PSME4: variants seen among roughly 807,000 people sequenced by gnomAD.
The protein encoded by PSME4 is proteasome activator subunit 4.
In PSME4, 89 loss-of-function variants were observed where a neutral mutation model predicts 253.9. The observed-to-expected ratio is 0.35, with a 90% CI of 0.30 to 0.42. The LOEUF (loss-of-function observed/expected upper bound fraction) is 0.42. Ranked by LOEUF, PSME4 falls within the 10% of genes least tolerant of loss-of-function variation. The probability of loss-of-function intolerance (pLI) is 1.00; values close to 1 mark genes in which losing one functional copy is unlikely to be tolerated. For synonymous variants in PSME4, 851 were observed against 759.2 expected (o/e 1.12, Z -1.99); for missense variants, 2,014 against 2,195.2 (o/e 0.92, Z 1.65).
At chr2:53,938,007 AT>A (rs1245064819) in intron 4 of PSME4, among the ~76,000 whole-genome samples, 1 of 152,020 alleles carries the variant, frequency 6.6e-6, no homozygotes, top group Non-Finnish European at 1.5e-5. Context: ...AAAAAAAAAA[AT>A]TCCCCATCAT....
intron 41 of PSME4, among the ~76,000 whole-genome samples, chr2:53,879,801 C>CAAAAAAAAAAAA (rs55730803): frequency 1.1e-5 from 1 of 89,940 alleles, no homozygotes; most frequent in African/African-American, 4.5e-5. Flanking sequence ...GACCCTGTCT[C>CAAAAAAAAAAAA]AAAAAAAAAA....
chr2:53,874,348 T>G lies in PSME4; in HGVS notation c.5091A>C (p.Glu1697Asp), dbSNP rs745325341. ...ATAACTTAAATTTTACCTCCAGTTG[T>G]TCGTCCTCCAAAAGACTTATAACCA... Reference protein sequence around the residue: ...RWLVISLLEDEQLEVREMAAT... With the variant: ...RWLVISLLEDDQLEVREMAAT... Residue 1697 changes from glutamate (E) to aspartate (D), a missense_variant, in exon 43 of 47, where the codon GAA becomes GAC. By Grantham distance (45) the Glu-to-Asp change is conservative (BLOSUM62 2). Coordinates refer to ENST00000404125, the MANE Select transcript of PSME4 (RefSeq NM_014614.3). 6.2e-7 allele frequency: 1 copy of G among 1,609,804 alleles called. No homozygotes were observed. The highest frequency in any genetic ancestry group is 1.3e-5 in the African/African-American group (1 of 74,630).
intron 18 of PSME4, among the ~76,000 whole-genome samples, chr2:53,920,659 C>T (rs532231322): frequency 6.6e-6 from 1 of 152,162 alleles, no homozygotes; most frequent in East Asian, 1.9e-4. Flanking sequence ...GAACTATAGA[C>T]ATTAGATAAG....
intron 20 of PSME4, chr2:53,917,113 T>G (rs1363591312): frequency 2.0e-5 from 3 of 150,840 alleles, no homozygotes; most frequent in Non-Finnish European, 4.4e-5. Context: ...TAAATATACA[T>G]ATATTTAATA....
intron 11 of PSME4, 94 bp from the exon 12 acceptor site, chr2:53,927,577 A>C (rs1036467821): frequency 7.8e-6 from 7 of 902,414 alleles, no homozygotes; most frequent in Non-Finnish European, 1.3e-5. Context: ...CCAATAAATT[A>C]TCTTGATCAA....
intron 41 of PSME4, among the ~76,000 whole-genome samples, chr2:53,879,722 A>G (rs1290525374): frequency 6.8e-6 from 1 of 146,406 alleles, no homozygotes; most frequent in Non-Finnish European, 1.5e-5. Flanking sequence ...ATACCCCTTG[A>G]GCCCGGGAGA....
chr2:53,883,531 G>C (rs988174608), intron 41 of PSME4, among the ~76,000 whole-genome samples: 20 of 152,094 alleles, frequency 1.3e-4, no homozygotes, highest in Non-Finnish European at 2.2e-4. Context: ...GCCATTCGCT[G>C]GTCTCTCCTC....
In PSME4 at chr2:53,890,194, C is replaced by T; in HGVS notation, c.4206G>A (p.Trp1402Ter). 6.2e-7 allele frequency: 1 copy of T among 1,612,322 alleles called. No homozygotes were observed. Among genetic ancestry groups the T allele is most frequent in the Non-Finnish European group, 8.5e-7 (1 of 1,179,154 alleles). ...TTCTAAGCAGAGGGCACAGAAGCTC[C>T]CAAAGCTTCTCCACCTACTCAAAAC... is the stretch of plus-strand genomic sequence containing the variant. The part of the protein sequence containing the change: ...HWTFEKVEKL[W>*]ELLCPLLRTA... The change falls in exon 37 of 47, where the codon TGG becomes TGA. Residue 1402 changes from tryptophan (W) to a stop codon, truncating the protein, a stop_gained. Transcript: ENST00000404125. LOFTEE classifies it high-confidence loss of function.
In PSME4 at chr2:53,970,816, ACCCGAACCCT is replaced by A; in HGVS notation, c.-42_-33del. 2.1e-6 allele frequency: 2 copies of A among 935,508 alleles called. No individual in the cohort carries two copies. Among genetic ancestry groups the A allele is most frequent in the Non-Finnish European group, 2.8e-6 (2 of 717,138 alleles). 58.0% of individuals were successfully genotyped at this position (935,508 alleles called of 1,614,324 possible). A position where few individuals can be genotyped will look rare whatever the true frequency, so the allele number is the denominator to read the frequency against. On this transcript the variant is annotated 5_prime_UTR_variant, in exon 1 of 47. Coordinates refer to ENST00000404125, the MANE Select transcript of PSME4 (RefSeq NM_014614.3). ...AGGGACACCCCCCCCACCCCCTCCCACCCGAACCCTCCCCGGCCCCCACCCCTCTCCGGGC... is the reference window on the plus strand; with the variant it reads ...AGGGACACCCCCCCCACCCCCTCCCACCCCGGCCCCCACCCCTCTCCGGGC...
At chr2:53,909,786 ACTCTGT>A (rs1667743656) in intron 21 of PSME4, among the ~76,000 whole-genome samples, 1 of 152,010 alleles carries the variant, frequency 6.6e-6, no homozygotes, top group African/African-American at 2.4e-5. Flanking sequence ...CCACGGTGAA[ACTCTGT>A]CTCTACTAAA....
intron 38 of PSME4, 53 bp from the exon 39 acceptor site, chr2:53,888,042 A>G (rs1346123411): frequency 1.9e-6 from 3 of 1,541,512 alleles, no homozygotes; most frequent in South Asian, 1.2e-5. Context: ...GCCTTTACAT[A>G]TTGACAGTAT....
chr2:53,921,595 G>A (rs144138109), intron 17 of PSME4, among the ~76,000 whole-genome samples: 6,748 of 146,710 alleles, frequency 0.046, 335 homozygotes, highest in East Asian at 0.27. Context: ...TTGGCCGGGC[G>A]CGGTGGCTCA....
intron 10 of PSME4, among the ~76,000 whole-genome samples, chr2:53,929,313 A>G (rs973979525): frequency 2.6e-5 from 4 of 152,108 alleles, no homozygotes; most frequent in Non-Finnish European, 5.9e-5. Flanking sequence ...CCAACCCTGG[A>G]GTCAGGGTTT....
intron 3 of PSME4, 53 bp downstream of exon 3, chr2:53,948,368 C>G: frequency 9.4e-7 from 1 of 1,064,868 alleles, no homozygotes; most frequent in Admixed American, 1.8e-5. Flanking sequence ...ATGATCACCC[C>G]CCTAAAAAAC....
At position 53,932,710 on chromosome 2, in the gene PSME4, G is replaced by A. The variant is rs773581579; in HGVS notation, c.1008C>T (p.Ser336=). ...TTGAAGGATGGTAAAAAGATGTGATGCTGTTAAACAAACCAGCTAAGTGTT... is the reference window on the plus strand; with the variant it reads ...TTGAAGGATGGTAAAAAGATGTGATACTGTTAAACAAACCAGCTAAGTGTT... ...VQKHLAGLFN[S]ITSFYHPSNN... Residue 336 remains serine, a synonymous_variant, in exon 9 of 47, where the codon AGC becomes AGT. Coordinates refer to ENST00000404125, the MANE Select transcript of PSME4 (RefSeq NM_014614.3). 7.4e-6 allele frequency: 12 copies of A among 1,614,018 alleles called. No individual in the cohort carries two copies. The highest frequency in any genetic ancestry group is 9.3e-6 in the Non-Finnish European group (11 of 1,179,882).
intron 4 of PSME4, among the ~76,000 whole-genome samples, chr2:53,939,535 G>A (rs959405841): frequency 2.0e-5 from 3 of 152,026 alleles, no homozygotes; most frequent in East Asian, 1.9e-4. Flanking sequence ...AGACCAGCCC[G>A]GGCAATACAG....
At position 53,885,782 on chromosome 2, in the gene PSME4, T is replaced by G. The variant is rs776408836; in HGVS notation, c.4730-7A>C. ...GCCATCAGCCATTTCAATACTATTT[T>G]GAAAACAAAGATGCAGAGTAAGTCT... On this transcript the variant is annotated splice_polypyrimidine_tract_variant and splice_region_variant and intron_variant, in intron 40 of 46. Transcript: ENST00000404125. The G allele has an allele frequency of 6.2e-7, 1 of 1,600,620 alleles. No homozygotes were observed. Among genetic ancestry groups the G allele is most frequent in the Admixed American group, 1.7e-5 (1 of 59,956 alleles).
Position 53,901,352 on chromosome 2 carries a change from T to C in PSME4, c.3283A>G (p.Thr1095Ala). ...RQYETIGLDFTIPKSCVEIAE... is the reference protein window; with the variant it reads ...RQYETIGLDFAIPKSCVEIAE... ...AATGAAAGAATGATATTGCTTACTGTGAAGTCCAAGCCAATTGTTTCATAC... is the reference window on the plus strand; with the variant it reads ...AATGAAAGAATGATATTGCTTACTGCGAAGTCCAAGCCAATTGTTTCATAC... The change falls in exon 28 of 47, where the codon ACA becomes GCA. Residue 1095 changes from threonine (T) to alanine (A), a missense_variant and splice_region_variant. Physicochemically the swap from Thr to Ala is moderately conservative, Grantham distance 58 (BLOSUM62 0). Coordinates refer to ENST00000404125, the MANE Select transcript of PSME4 (RefSeq NM_014614.3). 1 of 1,608,860 alleles carries C rather than the reference T, an allele frequency of 6.2e-7. No individual in the cohort carries two copies.
rs756340423 is a variant in PSME4 at position 53,937,545 on chromosome 2, TA to T, written c.546-6del. Reference sequence around the variant, plus strand: ...GTGGCATCTGCTGGAAAATATCTAATAAAAAAAGAAGGTTTTCATGTATCTG... The same window carrying T: ...GTGGCATCTGCTGGAAAATATCTAATAAAAAAGAAGGTTTTCATGTATCTG... On this transcript the variant is annotated splice_region_variant and splice_polypyrimidine_tract_variant and intron_variant, in intron 4 of 46. Transcript: ENST00000404125. 4 of 1,607,796 alleles carry T rather than the reference TA, an allele frequency of 2.5e-6. No homozygotes were observed. The highest frequency in any genetic ancestry group is 2.5e-6 in the Non-Finnish European group (3 of 1,178,282).
Sources: gnomAD v4.1 joint callset for allele counts (sites outside exome capture counted in the v4.1 genomes callset) on GRCh38, gnomAD v4.1.1 for gene constraint, MANE v1.5 for transcripts, NCBI Gene and HGNC (gene_info 2026-07-23, HGNC 2026-07-21) for gene names.